Variants in TMPRSS15 observed in about 807,000 individuals in gnomAD.
The protein encoded by TMPRSS15 is enteropeptidase.
TMPRSS15 carries 128 observed loss-of-function variants against 125.3 expected under a neutral mutation model. The ratio of observed to expected loss-of-function variants is 1.02; its 90% confidence interval spans 0.89 to 1.18. The LOEUF (loss-of-function observed/expected upper bound fraction) is 1.18, where lower values mean the gene tolerates loss of function less well. Among genes scored for constraint, TMPRSS15 ranks in the 50% most tolerant of loss-of-function variants. TMPRSS15 has a pLI of 0.00. For synonymous variants in TMPRSS15, 446 were observed against 423.2 expected, an observed-to-expected ratio of 1.05 and a Z score of -0.66; for missense variants, 1,283 against 1,212.7, an observed-to-expected ratio of 1.06 and a Z score of -0.86.
chr21:18,432,979 C>T (rs1401289636), intron 1 of TMPRSS15, among the ~76,000 whole-genome samples: 1 of 152,050 alleles, frequency 6.6e-6, no homozygotes, highest in Admixed American at 6.6e-5. Context: ...TGCAAAGATT[C>T]CCGTGTACCT....
chr21:18,346,791 T>G lies in TMPRSS15; in HGVS notation c.1172-2731A>C, dbSNP rs537548233. Among the ~76,000 whole-genome samples the G allele has an allele frequency of 4.6e-5, 7 of 152,322 alleles. No individual in the cohort carries two copies. The South Asian group carries it at 1.5e-3, about 32-fold the overall frequency. On this transcript the variant is annotated intron_variant, in intron 10 of 24. Coordinates refer to ENST00000284885, the MANE Select transcript of TMPRSS15 (RefSeq NM_002772.3). Reference sequence around the variant, plus strand: ...CTGAGTCTTCTTGGGAATCATCTCTTACACCATTGCTCAATAATACTTTCT... The same window carrying G: ...CTGAGTCTTCTTGGGAATCATCTCTGACACCATTGCTCAATAATACTTTCT...
intron 13 of TMPRSS15, among the ~76,000 whole-genome samples, chr21:18,332,633 T>C (rs537678813): frequency 2.6e-5 from 4 of 152,302 alleles, no homozygotes; most frequent in South Asian, 4.1e-4. Flanking sequence ...TGAACACTTA[T>C]AGACTGTTGG....
At chr21:18,339,690 T>TG (rs1569018593) in intron 13 of TMPRSS15, among the ~76,000 whole-genome samples, 2 of 64,456 alleles carry the variant, frequency 3.1e-5, no homozygotes, top group Non-Finnish European at 6.9e-5. Flanking sequence ...AAAAGCATTG[T>TG]TTTTTTTGCA....
intron 16 of TMPRSS15, among the ~76,000 whole-genome samples, chr21:18,318,176 C>T (rs1236786208): frequency 6.6e-6 from 1 of 152,142 alleles, no homozygotes; most frequent in Non-Finnish European, 1.5e-5. Flanking sequence ...TGACAACTGC[C>T]TGGCAGGGAA....
At chr21:18,468,030 TG>T in intron 1 of TMPRSS15, among the ~76,000 whole-genome samples, 1 of 152,106 alleles carries the variant, frequency 6.6e-6, no homozygotes, top group Non-Finnish European at 1.5e-5. Context: ...CACAAAAAGT[TG>T]AAAAGACCAT....
intron 21 of TMPRSS15, among the ~76,000 whole-genome samples, chr21:18,285,611 G>T (rs547014005): frequency 1.3e-5 from 2 of 152,312 alleles, no homozygotes; most frequent in South Asian, 4.2e-4. Context: ...CTGAAAGTTA[G>T]AATGTTTCTG....
chr21:18,329,274 G>A lies in TMPRSS15; in HGVS notation c.1675C>T (p.Gln559Ter), dbSNP rs752625731. 1 of 1,609,198 alleles carries A rather than the reference G, an allele frequency of 6.2e-7. No individual in the cohort carries two copies. Among genetic ancestry groups the A allele is most frequent in the Admixed American group, 1.7e-5 (1 of 59,738 alleles). Residue 559 changes from glutamine (Q) to a stop codon, truncating the protein, a stop_gained, in exon 15 of 25, where the codon CAA (glutamine) becomes TAA (stop). Coordinates refer to ENST00000284885, the MANE Select transcript of TMPRSS15 (RefSeq NM_002772.3). LOFTEE classifies it high-confidence loss of function. ...LAFCVWILNA[Q>*]KGKNIQLHFQ... The stretch of plus-strand genomic sequence containing the variant: ...TGAAGTTGTATATTCTTTCCTTTTT[G>A]TGCATTTAAAATCCAAACACCTAAA...
intron 1 of TMPRSS15, among the ~76,000 whole-genome samples, chr21:18,447,809 G>C (rs548238433): frequency 7.2e-5 from 11 of 152,162 alleles, no homozygotes; most frequent in African/African-American, 2.7e-4. Flanking sequence ...AGTTCGTTAA[G>C]CCTCTTTTTT....
In TMPRSS15 at chr21:18,479,860, C is replaced by G. The variant is rs181811081; in HGVS notation, c.10+5939G>C. ...CCTCAAGGATCTAGAACTAGAAATA[C>G]CATTTGACCCAGCAATCACATTACT... is the stretch of plus-strand genomic sequence containing the variant. On this transcript the variant is annotated intron_variant, in intron 1 of 7. Transcript: ENST00000422787. 3.8e-3 allele frequency among the ~76,000 whole-genome samples: 579 copies of G among 152,136 alleles called. 3 individuals are homozygous for G. The highest frequency in any genetic ancestry group is 0.013 in the African/African-American group (553 of 41,508).
At chr21:18,327,671 G>T (rs570853165) in intron 15 of TMPRSS15, among the ~76,000 whole-genome samples, 1 of 152,230 alleles carries the variant, frequency 6.6e-6, no homozygotes, top group Admixed American at 6.5e-5. Flanking sequence ...ATATCTATTA[G>T]ATCAGATTTT....
chr21:18,352,955 G>T lies in TMPRSS15; in HGVS notation c.1119C>A (p.Thr373=), dbSNP rs773347807. The part of the protein sequence containing the change: ...DNEWERIQGS[T]FSPFTGPNFD... ...AATTGGGTCCAGTAAAAGGAGAAAA[G>T]GTGCTTCCCTGAATCCTTTCCCATT... Residue 373 remains threonine (T), a synonymous_variant, in exon 10 of 25, where the codon ACC becomes ACA. Coordinates refer to ENST00000284885, the MANE Select transcript of TMPRSS15 (RefSeq NM_002772.3). The T allele has an allele frequency of 6.2e-7, 1 of 1,612,194 alleles. No individual in the cohort carries two copies. The highest frequency in any genetic ancestry group is 8.5e-7 in the Non-Finnish European group (1 of 1,178,920).
At chr21:18,361,934 T>C (rs961475557) in intron 7 of TMPRSS15, among the ~76,000 whole-genome samples, 1 of 151,906 alleles carries the variant, frequency 6.6e-6, no homozygotes, top group African/African-American at 2.4e-5. Flanking sequence ...GCCCTGAGTA[T>C]CAGATTCAGC....
intron 13 of TMPRSS15, 98 bp downstream of exon 13, chr21:18,341,315 C>T (rs1012296955): frequency 3.4e-6 from 5 of 1,475,398 alleles, no homozygotes; most frequent in African/African-American, 2.8e-5. Context: ...AAGCAATCCT[C>T]CTGCTTCAGC....
At chr21:18,318,984 G>C (rs2075204876) in intron 16 of TMPRSS15, among the ~76,000 whole-genome samples, 1 of 152,074 alleles carries the variant, frequency 6.6e-6, no homozygotes, top group African/African-American at 2.4e-5. Context: ...ATGAAGCTTA[G>C]TAATAGAGTC....
intron 16 of TMPRSS15, among the ~76,000 whole-genome samples, chr21:18,323,920 T>C (rs1441358071): frequency 6.6e-6 from 1 of 152,190 alleles, no homozygotes; most frequent in African/African-American, 2.4e-5. Context: ...ATGAGAAATA[T>C]TACTTCATTG....
In TMPRSS15 at chr21:18,383,609, A is replaced by G. The variant is rs575950199; in HGVS notation, c.496+18T>C. On this transcript the variant is annotated intron_variant, in intron 4 of 24. Coordinates refer to ENST00000284885, the MANE Select transcript of TMPRSS15 (RefSeq NM_002772.3). ...ATAGCTTAATGATTCAAAGAAATCAAATAATGTTCACACATACCTAGGATA... is the reference window on the plus strand; with the variant it reads ...ATAGCTTAATGATTCAAAGAAATCAGATAATGTTCACACATACCTAGGATA... 7.1e-5 allele frequency: 114 copies of G among 1,612,690 alleles called. No homozygotes were observed. The East Asian group carries it at 9.8e-4, about 14-fold the overall frequency.
At chr21:18,297,894 C>T (rs1351433467) in intron 18 of TMPRSS15, 65 bp from the exon 19 acceptor site, 1 of 1,225,358 alleles carries the variant, frequency 8.2e-7, no homozygotes, top group Non-Finnish European at 1.2e-6. Flanking sequence ...ATAAGTTAGA[C>T]TTTCAGTTCC....
chr21:18,321,606 C>T (rs2075238179), intron 16 of TMPRSS15, among the ~76,000 whole-genome samples: 1 of 152,130 alleles, frequency 6.6e-6, no homozygotes, highest in Non-Finnish European at 1.5e-5. Flanking sequence ...CCGCCTTGGC[C>T]TCCCAAAGTG....
intron 24 of TMPRSS15, among the ~76,000 whole-genome samples, chr21:18,272,935 A>ACTT (rs2074577388): frequency 6.6e-6 from 1 of 152,246 alleles, no homozygotes; most frequent in Middle Eastern, 3.4e-3. Context: ...TACTTCTCAT[A>ACTT]CTTTAGTGTG....
Sources: allele counts gnomAD v4.1 joint callset (sites outside exome capture counted in the v4.1 genomes callset), GRCh38; gene constraint gnomAD v4.1.1; transcripts MANE v1.5; gene names NCBI Gene and HGNC (gene_info 2026-07-23, HGNC 2026-07-21).